PRKCB: variants seen among roughly 807,000 people sequenced by gnomAD.
PRKCB encodes protein kinase C beta, also known as protein kinase C beta type.
Under a neutral mutation model 81.5 loss-of-function variants are expected in PRKCB, and 13 were observed. That is an observed-to-expected ratio of 0.16 (90% CI 0.10 to 0.25). PRKCB has a LOEUF of 0.25. Among genes scored for constraint, PRKCB ranks in the 10% least tolerant of loss-of-function variants. The pLI is 1.00. For missense variants in PRKCB, 509 were observed against 875.7 expected (o/e 0.58, Z 5.29); for synonymous variants, 335 against 321.4 (o/e 1.04, Z -0.45).
intron 2 of PRKCB, among the ~76,000 whole-genome samples, chr16:23,969,476 C>A (rs1964529099): frequency 6.6e-6 from 1 of 152,190 alleles, no homozygotes; most frequent in Non-Finnish European, 1.5e-5. Context: ...GGTTTCCAGT[C>A]CTGATTGCCA....
At chr16:23,852,843 G>C (rs1962497716) in intron 2 of PRKCB, among the ~76,000 whole-genome samples, 1 of 152,134 alleles carries the variant, frequency 6.6e-6, no homozygotes, top group African/African-American at 2.4e-5. Context: ...CAACTCCATT[G>C]ACTTATGCCC....
intron 2 of PRKCB, among the ~76,000 whole-genome samples, chr16:23,960,150 T>C (rs1046945666): frequency 6.6e-6 from 1 of 152,180 alleles, no homozygotes; most frequent in African/African-American, 2.4e-5. Context: ...CAATGACTTA[T>C]GGGAAACAAC....
rs1968207809 is a variant in PRKCB at position 24,215,217 on chromosome 16, C to G, written c.*401C>G. ...TACTCTTCCACTTCCGGGCCTGGAG[C>G]TTGGCTTGTATCCAAGTGTATGGTT... On this transcript the variant is annotated 3_prime_UTR_variant, in exon 17 of 17. Coordinates refer to ENST00000643927, the MANE Select transcript of PRKCB (RefSeq NM_002738.7). The G allele has an allele frequency of 9.9e-7, 1 of 1,006,292 alleles. No individual in the cohort carries two copies. The highest frequency in any genetic ancestry group is 1.2e-6 in the Non-Finnish European group (1 of 842,080). The allele number at this position is 1,006,292 out of a possible 1,614,324, so 62.3% of individuals were successfully genotyped here.
intron 9 of PRKCB, among the ~76,000 whole-genome samples, chr16:24,127,987 TC>T (rs1966847364): frequency 6.6e-6 from 1 of 152,160 alleles, no homozygotes. Flanking sequence ...GATTTGCTCT[TC>T]CCCTTCGAAA....
chr16:24,034,446 G>A (rs1179098387), intron 4 of PRKCB, among the ~76,000 whole-genome samples: 3 of 152,184 alleles, frequency 2.0e-5, no homozygotes, highest in Non-Finnish European at 4.4e-5. Flanking sequence ...CTGGAGTGGG[G>A]CATTATTGCT....
In PRKCB at chr16:24,215,042, T is replaced by G. The variant is rs1299025290; in HGVS notation, c.*226T>G. ...AAAATGCAGCTGCATAATTAACACATTATCAAAGTCCTCTTACAATTTATT... is the reference window on the plus strand; with the variant it reads ...AAAATGCAGCTGCATAATTAACACAGTATCAAAGTCCTCTTACAATTTATT... On this transcript the variant is annotated 3_prime_UTR_variant, in exon 17 of 17. Transcript: ENST00000643927. The G allele has an allele frequency of 1.5e-6, 2 of 1,312,456 alleles. No individual in the cohort carries two copies. Among genetic ancestry groups the G allele is most frequent in the African/African-American group, 2.9e-5 (2 of 67,870 alleles). The allele number at this position is 1,312,456 out of a possible 1,614,324, so 81.3% of individuals were successfully genotyped here.
chr16:24,165,883 CTTT>C (rs71154285), intron 10 of PRKCB, among the ~76,000 whole-genome samples: 4 of 94,002 alleles, frequency 4.3e-5, no homozygotes, highest in Non-Finnish European at 6.5e-5. Context: ...TTCTTTCTTT[CTTT>C]TTTTTTTTTT....
chr16:23,970,487 G>A (rs1379843998), intron 2 of PRKCB, among the ~76,000 whole-genome samples: 1 of 152,174 alleles, frequency 6.6e-6, no homozygotes, highest in Non-Finnish European at 1.5e-5. Context: ...AGACCGAATT[G>A]TGTGCGAAAT....
intron 1 of PRKCB, 104 bp downstream of exon 1, chr16:23,836,452 G>A: frequency 6.8e-7 from 1 of 1,460,464 alleles, no homozygotes; most frequent in African/African-American, 1.5e-5. Context: ...TCCGCACCCT[G>A]GGACCCCGCG....
At chr16:24,128,051 G>GAAAACAAAACAAAACAAAAC (rs369204846) in intron 9 of PRKCB, among the ~76,000 whole-genome samples, 5,172 of 151,360 alleles carry the variant, frequency 0.034, 272 homozygotes, top group African/African-American at 0.11. Flanking sequence ...CTTAACCCAG[G>GAAAACAAAACAAAACAAAAC]AAAACAAAAC....
chr16:23,961,136 TAGGCTC>T (rs984026280), intron 2 of PRKCB, among the ~76,000 whole-genome samples: 4 of 152,342 alleles, frequency 2.6e-5, no homozygotes, highest in South Asian at 2.1e-4. Flanking sequence ...CTTGGAATCC[TAGGCTC>T]AAGCGATCCT....
chr16:24,066,488 A>T (rs1185059321), intron 5 of PRKCB, among the ~76,000 whole-genome samples: 3 of 152,228 alleles, frequency 2.0e-5, no homozygotes, highest in Non-Finnish European at 2.9e-5. Flanking sequence ...GTTGCAGAGG[A>T]TAGACTTCCC....
At chr16:23,929,982 A>G (rs1963948708) in intron 2 of PRKCB, among the ~76,000 whole-genome samples, 1 of 152,020 alleles carries the variant, frequency 6.6e-6, no homozygotes, top group Non-Finnish European at 1.5e-5. Context: ...AACATTTTAT[A>G]TGTGTAAGAC....
chr16:24,054,654 A>G (rs560035182), intron 5 of PRKCB, among the ~76,000 whole-genome samples: 6 of 152,196 alleles, frequency 3.9e-5, no homozygotes, highest in Non-Finnish European at 7.3e-5. Context: ...CAAAATGAGA[A>G]CTATTCTGAG....
chr16:23,837,232 G>A (rs1449003719), intron 1 of PRKCB, 143 bp from the exon 2 acceptor site: 3 of 991,294 alleles, frequency 3.0e-6, no homozygotes, highest in Non-Finnish European at 4.8e-6. Context: ...CACAAAGGCG[G>A]AAGACTCTTG....
intron 16 of PRKCB, among the ~76,000 whole-genome samples, chr16:24,203,414 G>T (rs560990177): frequency 6.6e-6 from 1 of 152,144 alleles, no homozygotes; most frequent in East Asian, 1.9e-4. Context: ...ATGAGGGAGG[G>T]TAACTTACTT....
At chr16:23,913,231 A>AG (rs1313229886) in intron 2 of PRKCB, among the ~76,000 whole-genome samples, 2 of 152,068 alleles carry the variant, frequency 1.3e-5, no homozygotes, top group African/African-American at 2.4e-5. Context: ...AATATGGACA[A>AG]GGAGAAGCCG....
intron 2 of PRKCB, among the ~76,000 whole-genome samples, chr16:23,844,847 G>A (rs1962339245): frequency 6.6e-6 from 1 of 150,962 alleles, no homozygotes. Context: ...TTTCGCCCAG[G>A]CTGGAGTGCA....
At chr16:23,994,568 A>G (rs1339139847) in intron 3 of PRKCB, among the ~76,000 whole-genome samples, 1 of 152,220 alleles carries the variant, frequency 6.6e-6, no homozygotes, top group Non-Finnish European at 1.5e-5. Flanking sequence ...GATTCCCACC[A>G]TATCCCTTAT....
Sources: gnomAD v4.1 joint callset for allele counts (sites outside exome capture counted in the v4.1 genomes callset) on GRCh38, gnomAD v4.1.1 for gene constraint, MANE v1.5 for transcripts, NCBI Gene and HGNC (gene_info 2026-07-23, HGNC 2026-07-21) for gene names.